SOS2: variants seen among roughly 807,000 people sequenced by gnomAD.
The protein encoded by SOS2 is SOS Ras/Rho guanine nucleotide exchange factor 2, also known as son of sevenless homolog 2.
SOS2 carries 65 observed loss-of-function variants against 148.2 expected under a neutral mutation model. The ratio of observed to expected loss-of-function variants is 0.44; its 90% CI spans 0.36 to 0.54. The LOEUF (loss-of-function observed/expected upper bound fraction) is 0.54, where lower values mean the gene tolerates loss of function less well. Among genes scored for constraint, SOS2 ranks in the 20% least tolerant of loss-of-function variants. SOS2 has a pLI of 0.00. For synonymous variants in SOS2, 539 were observed against 537.1 expected, an observed-to-expected ratio of 1.00 and a Z score of -0.05; for missense variants, 1,341 against 1,590.2, an observed-to-expected ratio of 0.84 and a Z score of 2.67.
intron 1 of SOS2, among the ~76,000 whole-genome samples, chr14:50,214,694 C>T (rs1405962489): frequency 6.6e-6 from 1 of 150,380 alleles, no homozygotes; most frequent in Non-Finnish European, 1.5e-5. Context: ...CTTCATAAGG[C>T]CGTTTCTTTT....
At chr14:50,209,417 C>T (rs908235484) in intron 1 of SOS2, among the ~76,000 whole-genome samples, 3 of 151,672 alleles carry the variant, frequency 2.0e-5, no homozygotes, top group Non-Finnish European at 4.4e-5. Flanking sequence ...ACATAAATTA[C>T]CTGAACTCAT....
At chr14:50,201,151 A>C (rs1886473370) in intron 2 of SOS2, 67 bp from the exon 3 acceptor site, 1 of 1,431,024 alleles carries the variant, frequency 7.0e-7, no homozygotes, top group Non-Finnish European at 9.7e-7. Flanking sequence ...ATTCATACAA[A>C]ATTCAACTTG....
intron 1 of SOS2, among the ~76,000 whole-genome samples, chr14:50,221,136 C>T (rs1887189899): frequency 6.6e-6 from 1 of 152,166 alleles, no homozygotes; most frequent in Non-Finnish European, 1.5e-5. Flanking sequence ...TGATCATTCG[C>T]TCATTTATTT....
chr14:50,165,179 A>T (rs1885129362), intron 8 of SOS2, among the ~76,000 whole-genome samples: 1 of 152,188 alleles, frequency 6.6e-6, no homozygotes, highest in African/African-American at 2.4e-5. Flanking sequence ...CAGTATAGTG[A>T]TCAACTTCAG....
intron 8 of SOS2, among the ~76,000 whole-genome samples, chr14:50,171,046 G>A (rs1342254256): frequency 1.3e-5 from 2 of 151,548 alleles, no homozygotes; most frequent in South Asian, 2.1e-4. Context: ...CCTGGGAGGC[G>A]GAGGTTGCAG....
rs1190247128 is a variant in SOS2 at position 50,117,642 on chromosome 14, T to C, written c.*702A>G. ...TTTTCCATAACAATAGGCAATTCAT[T>C]AGCTAAAGACGTCATAGTCTGCAAA... On this transcript the variant is annotated 3_prime_UTR_variant, in exon 23 of 23. Transcript: ENST00000216373. 6.6e-6 allele frequency: 1 copy of C among 150,782 alleles called. No individual in the cohort carries two copies. Among genetic ancestry groups the C allele is most frequent in the African/African-American group, 2.4e-5 (1 of 41,396 alleles). The allele number at this position is 150,782 out of a possible 1,614,324, so 9.3% of individuals were successfully genotyped here. A position where few individuals can be genotyped will look rare whatever the true frequency, so the allele number is the denominator to read the frequency against.
In SOS2 at chr14:50,178,670, GCATATATATATATATATA is replaced by G. The variant is rs1448136383; in HGVS notation, c.969+1884_969+1901del. Among the ~76,000 whole-genome samples, 82 of 68,010 alleles carry G rather than the reference GCATATATATATATATATA, an allele frequency of 1.2e-3. 1 individual carries two copies. The highest frequency in any genetic ancestry group is 2.7e-3 in the African/African-American group (68 of 25,460). The allele number at this position is 68,010 out of a possible 152,430, so 44.6% of individuals were successfully genotyped here. A position where few individuals can be genotyped will look rare whatever the true frequency, so the allele number is the denominator to read the frequency against. ...CTAGTGTGTGTGTGTGTGTGTGTGT[GCATATATATATATATATA>G]TATATATATATATATATATATATAC... On this transcript the variant is annotated intron_variant, in intron 7 of 22. Transcript: ENST00000216373.
intron 4 of SOS2, among the ~76,000 whole-genome samples, chr14:50,191,976 C>G (rs746779399): frequency 2.6e-5 from 4 of 151,728 alleles, no homozygotes; most frequent in African/African-American, 4.8e-5. Flanking sequence ...CAAAGAGAGA[C>G]CCAGTTTCTA....
At chr14:50,127,235 G>A (rs1186470503) in intron 21 of SOS2, among the ~76,000 whole-genome samples, 9 of 149,786 alleles carry the variant, frequency 6.0e-5, no homozygotes, top group South Asian at 2.1e-4. Flanking sequence ...TCCACCTCCC[G>A]GGTTCAAGCA....
chr14:50,189,347 A>AAAAAAAAAAAAAAAAAAAAAAAAAAAAC (rs1566472544), intron 4 of SOS2, among the ~76,000 whole-genome samples: 1 of 148,150 alleles, frequency 6.7e-6, no homozygotes, highest in Non-Finnish European at 1.5e-5. Context: ...AAAAAAAAAA[A>AAAAAAAAAAAAAAAAAAAAAAAAAAAAC]AGCAAGCCTG....
chr14:50,159,321 T>C (rs879217028), intron 10 of SOS2, 110 bp downstream of exon 10: 2 of 618,476 alleles, frequency 3.2e-6, no homozygotes, highest in South Asian at 5.7e-5. Flanking sequence ...AGTATTTTTA[T>C]ATTTTGGAGG....
intron 8 of SOS2, among the ~76,000 whole-genome samples, chr14:50,170,386 T>A (rs1885322339): frequency 6.6e-6 from 1 of 152,020 alleles, no homozygotes; most frequent in Non-Finnish European, 1.5e-5. Context: ...AATTCTTATA[T>A]CCAAAGAAAA....
At position 50,153,126 on chromosome 14, in the gene SOS2, A is replaced by T; in HGVS notation, c.2105T>A (p.Phe702Tyr). The change falls in exon 13 of 23, where the codon TTT (phenylalanine) becomes TAT (tyrosine). Residue 702 changes from phenylalanine to tyrosine, a missense_variant. Transcript: ENST00000216373. ...RHWVEHHFYD[F>Y]ERDLELLERL... ...TTCAAGCAATTCCAAGTCTCTTTCA[A>T]AGTCATAAAAATGATGTTCAACCCA... 6.2e-7 allele frequency: 1 copy of T among 1,607,392 alleles called. No homozygotes were observed.
rs555168827 is a variant in SOS2, at chr14:50,147,162, T to A, written c.2385-1566A>T. Among the ~76,000 whole-genome samples the A allele has an allele frequency of 5.3e-5, 8 of 151,588 alleles. No individual in the cohort carries two copies. In the South Asian group the frequency reaches 1.7e-3, roughly 32 times the overall value. On this transcript the variant is annotated intron_variant, in intron 14 of 22. Transcript: ENST00000216373. ...AATGAGCTATGATCATGCCACTGCA[T>A]CCCAGCCTGGGTGACAGAGTGAGAC...
In SOS2 at chr14:50,143,904, C is replaced by T. The variant is rs1419579688; in HGVS notation, c.2667+1266G>A. The stretch of plus-strand genomic sequence containing the variant: ...AAACTCCTGGGCTCAAGTGATCCTC[C>T]TGTCTCTGCCTCCCAAAGTGTTGGG... On this transcript the variant is annotated intron_variant, in intron 16 of 22. Transcript: ENST00000216373. Among the ~76,000 whole-genome samples the T allele has an allele frequency of 2.0e-5, 3 of 151,378 alleles. No homozygotes were observed. The East Asian group carries it at 5.8e-4, about 29-fold the overall frequency.
chr14:50,174,718 T>A (rs113195954), intron 7 of SOS2, among the ~76,000 whole-genome samples, 166 bp from the exon 8 acceptor site: 5 of 152,342 alleles, frequency 3.3e-5, no homozygotes, highest in African/African-American at 1.2e-4. Context: ...GTTGTTCTTT[T>A]CTCCCTTTCC....
In SOS2 at chr14:50,215,725, T is replaced by TAA. The variant is rs146059135; in HGVS notation, c.88-11318_88-11317dup. On this transcript the variant is annotated intron_variant, in intron 1 of 22. Coordinates refer to ENST00000216373, the MANE Select transcript of SOS2 (RefSeq NM_006939.4). ...ATGTACCCTAAAACTTAAAGTATAATAAAAAAAAACAAAAAACAAAATAGT... is the reference window on the plus strand; with the variant it reads ...ATGTACCCTAAAACTTAAAGTATAATAAAAAAAAAAACAAAAAACAAAATAGT... Among the ~76,000 whole-genome samples the TAA allele has an allele frequency of 5.3e-5, 8 of 151,264 alleles. No individual in the cohort carries two copies. The East Asian group carries it at 5.8e-4, about 11-fold the overall frequency.
intron 1 of SOS2, among the ~76,000 whole-genome samples, chr14:50,211,655 G>A (rs56890354): frequency 0.22 from 32,738 of 151,182 alleles, 3,902 homozygotes; most frequent in East Asian, 0.44. Flanking sequence ...ACAGGTTCTC[G>A]CTGTGTTGCC....
chr14:50,222,961 C>A (rs1448229557), intron 1 of SOS2, among the ~76,000 whole-genome samples: 1 of 152,040 alleles, frequency 6.6e-6, no homozygotes, highest in Non-Finnish European at 1.5e-5. Context: ...TTTCAATATT[C>A]CAGGAGATTG....
Sources: gnomAD v4.1 joint callset for allele counts (sites outside exome capture counted in the v4.1 genomes callset) on GRCh38, gnomAD v4.1.1 for gene constraint, MANE v1.5 for transcripts, NCBI Gene and HGNC (gene_info 2026-07-23, HGNC 2026-07-21) for gene names.